Variants in SHANK2 observed in about 807,000 individuals in gnomAD.
SHANK2 encodes SH3 and multiple ankyrin repeat domains 2.
A neutral mutation model predicts 133.7 loss-of-function variants in SHANK2; 43 were observed. That is an observed-to-expected ratio of 0.32 (90% confidence interval 0.25 to 0.41). SHANK2 has a LOEUF of 0.41. Ranked by LOEUF, SHANK2 falls within the 10% of genes least tolerant of loss-of-function variation. The pLI is 1.00. For synonymous variants in SHANK2, 1,017 were observed against 952.8 expected (o/e 1.07, Z -1.24); for missense variants, 1,994 against 2,235.8 (o/e 0.89, Z 2.18).
intron 14 of SHANK2, among the ~76,000 whole-genome samples, chr11:70,742,278 G>A (rs144626542): frequency 1.9e-4 from 29 of 152,152 alleles, no homozygotes; most frequent in East Asian, 9.7e-4. Flanking sequence ...CAAAACCCAG[G>A]TGGACTGTTG....
Position 70,589,853 on chromosome 11 carries a change from T to C in SHANK2, c.2061+69975A>G, listed in dbSNP as rs184101769. On this transcript the variant is annotated intron_variant, in intron 17 of 25. Coordinates refer to ENST00000601538, the MANE Select transcript of SHANK2 (RefSeq NM_012309.5). Reference sequence around the variant, plus strand: ...GATGTGGTGGAAACAGCAGAAGAACTAGAATTCGAAGTGGAGCTGGCCGGG... The same window carrying C: ...GATGTGGTGGAAACAGCAGAAGAACCAGAATTCGAAGTGGAGCTGGCCGGG... Among the ~76,000 whole-genome samples the C allele has an allele frequency of 2.5e-4, 38 of 152,244 alleles. No homozygotes were observed. In the East Asian group the frequency reaches 7.0e-3, roughly 28 times the overall value.
In SHANK2 at chr11:70,807,746, C is replaced by T. The variant is rs1948193240; in HGVS notation, c.1494-575G>A. Among the ~76,000 whole-genome samples the T allele has an allele frequency of 2.6e-5, 4 of 152,084 alleles. No homozygotes were observed. The highest frequency in any genetic ancestry group is 2.6e-4 in the Admixed American group (4 of 15,266). On this transcript the variant is annotated intron_variant, in intron 12 of 25. Transcript: ENST00000601538. This position sits in a 1 kb window ranked among gnomAD's most constrained non-coding sequence, Gnocchi z 4.8. The stretch of plus-strand genomic sequence containing the variant: ...TGGAGAGGCTGAGGCAGGAGAATTG[C>T]TTAAACCTGGGAGGCGGAGGTTGCG...
Position 70,661,639 on chromosome 11 carries a change from T to C in SHANK2, c.1893A>G (p.Lys631=). The change falls in exon 16 of 26, where the codon AAA becomes AAG. Residue 631 remains lysine (K), a synonymous_variant. Coordinates refer to ENST00000601538, the MANE Select transcript of SHANK2 (RefSeq NM_012309.5). ...CGAATCCAAAGCCCTCATTGTCTTT[T>C]TTCTGCAGGACCACCGTCTTCTCCT... is the stretch of plus-strand genomic sequence containing the variant. ...IIEEKTVVLQ[K]KDNEGFGFVL... 1.2e-6 allele frequency: 2 copies of C among 1,614,132 alleles called. No individual in the cohort carries two copies. Among genetic ancestry groups the C allele is most frequent in the African/African-American group, 1.3e-5 (1 of 75,030 alleles).
chr11:70,661,461 C>G, intron 16 of SHANK2, 135 bp downstream of exon 16: 1 of 930,800 alleles, frequency 1.1e-6, no homozygotes. Context: ...TTATTTAATG[C>G]TTATTCCTGA....
intron 2 of SHANK2, among the ~76,000 whole-genome samples, chr11:71,185,606 G>C (rs1349016289): frequency 2.6e-5 from 4 of 152,106 alleles, no homozygotes; most frequent in African/African-American, 9.7e-5. Flanking sequence ...GGACCTGGAG[G>C]GTTCAAATCT....
At chr11:70,503,542 G>A (rs1188094113) in intron 17 of SHANK2, among the ~76,000 whole-genome samples, 1 of 152,218 alleles carries the variant, frequency 6.6e-6, no homozygotes, top group Admixed American at 6.5e-5. Flanking sequence ...TCCCTGTGCT[G>A]GTCTGTACAA....
In SHANK2 at chr11:70,500,893, G is replaced by A. The variant is rs2059040862; in HGVS notation, c.2288-303C>T. 3 of 636,534 alleles carry A rather than the reference G, an allele frequency of 4.7e-6. No individual in the cohort carries two copies. In the South Asian group the frequency reaches 5.0e-5, roughly 11 times the overall value. 39.4% of individuals were successfully genotyped at this position (636,534 alleles called of 1,614,324 possible). A position where few individuals can be genotyped will look rare whatever the true frequency, so the allele number is the denominator to read the frequency against. ...CTTGTCCCACCAGCACCCTGCCAAAGTAGGGAGGAGTTCTCAGAGCAGACA... is the reference window on the plus strand; with the variant it reads ...CTTGTCCCACCAGCACCCTGCCAAAATAGGGAGGAGTTCTCAGAGCAGACA... On this transcript the variant is annotated intron_variant, in intron 20 of 25. Coordinates refer to ENST00000601538, the MANE Select transcript of SHANK2 (RefSeq NM_012309.5). This position sits in a 1 kb window ranked among gnomAD's most constrained non-coding sequence, Gnocchi z 4.5.
rs782236157 is a variant in SHANK2, at chr11:70,487,611, C to T, written c.2682G>A (p.Val894=). ...GGGAAGGTGGTGGTGGGGACGGGGGCACAGACTGCGGTGGAGGGGGGATGT... is the reference window on the plus strand; with the variant it reads ...GGGAAGGTGGTGGTGGGGACGGGGGTACAGACTGCGGTGGAGGGGGGATGT... ...SEDIPPPPQS[V]PPSPPPPSPT... Residue 894 remains valine (V), a synonymous_variant, in exon 25 of 26, where the codon GTG becomes GTA. Transcript: ENST00000601538. The surrounding 1 kb of genome is among the most constrained non-coding windows in gnomAD (Gnocchi z 5.8). The T allele has an allele frequency of 6.2e-6, 10 of 1,609,382 alleles. No homozygotes were observed. The highest frequency in any genetic ancestry group is 7.6e-6 in the Non-Finnish European group (9 of 1,177,826).
chr11:70,638,898 G>A (rs1395411497), intron 17 of SHANK2, among the ~76,000 whole-genome samples: 17 of 152,128 alleles, frequency 1.1e-4, no homozygotes, highest in Admixed American at 1.1e-3. Flanking sequence ...TTGGGAGGCT[G>A]AGGCAGGAGA....
At chr11:70,783,379 C>T (rs922205241) in intron 14 of SHANK2, among the ~76,000 whole-genome samples, 8 of 152,108 alleles carry the variant, frequency 5.3e-5, no homozygotes, top group African/African-American at 9.7e-5. Flanking sequence ...CCACAGCAAG[C>T]GGACTACGAC....
chr11:70,672,536 A>T (rs549608573), intron 15 of SHANK2, among the ~76,000 whole-genome samples: 11 of 152,262 alleles, frequency 7.2e-5, no homozygotes, highest in African/African-American at 2.6e-4. Context: ...TTGCCTGTGC[A>T]ATTCTCAGGA....
chr11:70,797,768 C>T (rs17429974), intron 14 of SHANK2, among the ~76,000 whole-genome samples: 14,258 of 151,758 alleles, frequency 0.094, 857 homozygotes, highest in South Asian at 0.27. Flanking sequence ...AGCCAGATGC[C>T]GTTCACATGC....
intron 17 of SHANK2, among the ~76,000 whole-genome samples, chr11:70,658,949 C>T (rs1438863880): frequency 6.6e-6 from 1 of 152,076 alleles, no homozygotes; most frequent in Non-Finnish European, 1.5e-5. Context: ...AAGAAATGCG[C>T]ACTCCCAACG....
Position 70,889,633 on chromosome 11 carries a change from ACT to A in SHANK2, c.1174+6866_1174+6867del, listed in dbSNP as rs1382238673. Among the ~76,000 whole-genome samples the A allele has an allele frequency of 3.9e-5, 6 of 152,150 alleles. No individual in the cohort carries two copies. In the South Asian group the frequency reaches 1.2e-3, roughly 32 times the overall value. On this transcript the variant is annotated intron_variant, in intron 11 of 25. Coordinates refer to ENST00000601538, the MANE Select transcript of SHANK2 (RefSeq NM_012309.5). ...GAGGAACCCTCGACCACTGAGTCAG[ACT>A]CTGATGGTGGCGCTGGGCATCTGCA...
At chr11:71,062,071 G>A (rs896753015) in intron 9 of SHANK2, among the ~76,000 whole-genome samples, 63,477 of 143,184 alleles carry the variant, frequency 0.44, 13,702 homozygotes, top group Non-Finnish European at 0.45. Flanking sequence ...ATCCTCCACC[G>A]CAGCCTCTCA....
At chr11:70,674,841 A>G (rs1427136846) in intron 15 of SHANK2, among the ~76,000 whole-genome samples, 1 of 152,272 alleles carries the variant, frequency 6.6e-6, no homozygotes, top group Non-Finnish European at 1.5e-5. Flanking sequence ...CTTTATTTAC[A>G]AAAACAGGCA....
At chr11:70,628,021 G>A (rs1243139154) in intron 17 of SHANK2, among the ~76,000 whole-genome samples, 1 of 152,144 alleles carries the variant, frequency 6.6e-6, no homozygotes, top group Non-Finnish European at 1.5e-5. Flanking sequence ...GTGCAATGGT[G>A]TGAGCTTGGC....
chr11:70,489,436 T>A, intron 23 of SHANK2, 88 bp from the exon 24 acceptor site: 2 of 1,307,496 alleles, frequency 1.5e-6, no homozygotes, highest in Non-Finnish European at 2.2e-6. Flanking sequence ...GGGGGAGCTT[T>A]AAGCACAGCA....
At chr11:71,217,083 G>A (rs1399253077) in intron 2 of SHANK2, among the ~76,000 whole-genome samples, 2 of 152,114 alleles carry the variant, frequency 1.3e-5, no homozygotes, top group Admixed American at 6.5e-5. Context: ...CTAAGTCCCA[G>A]CTACTTGGGA....
Sources: gnomAD v4.1 joint callset for allele counts (sites outside exome capture counted in the v4.1 genomes callset) on GRCh38, gnomAD v4.1.1 for gene constraint, Gnocchi (gnomAD v3.1) non-coding constraint, MANE v1.5 for transcripts, NCBI Gene and HGNC (gene_info 2026-07-23, HGNC 2026-07-21) for gene names.